TNIK: variants seen among roughly 807,000 people sequenced by gnomAD.
TNIK encodes TRAF2 and NCK-interacting protein kinase.
In TNIK, 49 loss-of-function variants were observed where a neutral mutation model predicts 191.3. That is an observed-to-expected ratio of 0.26 (90% CI 0.20 to 0.32). TNIK has a LOEUF of 0.32. TNIK is among the 10% of genes least tolerant of loss of function. The pLI is 1.00. For synonymous variants in TNIK, 594 were observed against 600.9 expected (o/e 0.99, Z 0.17); for missense variants, 1,155 against 1,702.3 (o/e 0.68, Z 5.66).
chr3:171,206,335 G>GTATATATATATATA (rs60356829), intron 4 of TNIK, among the ~76,000 whole-genome samples: 9,243 of 132,516 alleles, frequency 0.07, 478 homozygotes, highest in South Asian at 0.11. Context: ...ATATGTTCGT[G>GTATATATATATATA]TATATATATA....
At chr3:171,207,087 T>C (rs1280692372) in intron 4 of TNIK, among the ~76,000 whole-genome samples, 1 of 152,090 alleles carries the variant, frequency 6.6e-6, no homozygotes, top group Non-Finnish European at 1.5e-5. Context: ...TACAGACAAC[T>C]ATAAAATAGC....
chr3:171,330,762 C>T (rs1225137112), intron 2 of TNIK, among the ~76,000 whole-genome samples: 1 of 152,158 alleles, frequency 6.6e-6, no homozygotes, highest in Non-Finnish European at 1.5e-5. Context: ...CACTACTCTG[C>T]CCTTCAGACC....
intron 18 of TNIK, 60 bp from the exon 19 acceptor site, chr3:171,110,937 A>C: frequency 1.4e-6 from 2 of 1,467,318 alleles, no homozygotes; most frequent in African/African-American, 1.4e-5. Context: ...TTTGCAGATC[A>C]CATATCTGAT....
At chr3:171,329,371 T>TA (rs1038944843) in intron 2 of TNIK, among the ~76,000 whole-genome samples, 8 of 86 alleles carry the variant, frequency 0.093, no homozygotes, top group Admixed American at 0.33. Context: ...AAAATATATA[T>TA]TTTTAAATCA....
At chr3:171,105,560 C>A (rs895012253) in intron 21 of TNIK, among the ~76,000 whole-genome samples, 1 of 146,422 alleles carries the variant, frequency 6.8e-6, no homozygotes, top group Non-Finnish European at 1.5e-5. Flanking sequence ...GCTTTTCCAA[C>A]CATACATGGC....
intron 1 of TNIK, among the ~76,000 whole-genome samples, chr3:171,450,427 G>C (rs1281324245): frequency 6.6e-6 from 1 of 152,168 alleles, no homozygotes; most frequent in East Asian, 1.9e-4. Context: ...GATTCACTAA[G>C]ATGTCCAGGA....
chr3:171,384,735 T>G (rs1290800374), intron 1 of TNIK, among the ~76,000 whole-genome samples: 1 of 152,180 alleles, frequency 6.6e-6, no homozygotes, highest in Admixed American at 6.5e-5. Context: ...GTCAGATTAG[T>G]AAAAATAGAT....
chr3:171,396,577 C>T (rs889637188), intron 1 of TNIK, among the ~76,000 whole-genome samples: 3 of 152,210 alleles, frequency 2.0e-5, no homozygotes, highest in African/African-American at 7.2e-5. Flanking sequence ...AAAAGTATGT[C>T]AGTGACTTAT....
At chr3:171,123,763 GA>G in intron 17 of TNIK, 61 bp from the exon 18 acceptor site, 1 of 1,293,602 alleles carries the variant, frequency 7.7e-7, no homozygotes, top group Non-Finnish European at 1.1e-6. Flanking sequence ...CCTGTTGTCA[GA>G]AAATCCTCCT....
At chr3:171,177,682 G>T (rs191124019) in intron 7 of TNIK, among the ~76,000 whole-genome samples, 21 of 152,270 alleles carry the variant, frequency 1.4e-4, no homozygotes, top group Admixed American at 9.2e-4. Context: ...CTATTTGACT[G>T]TTTATAACAC....
intron 1 of TNIK, among the ~76,000 whole-genome samples, chr3:171,377,764 A>T (rs1289593405): frequency 6.6e-6 from 1 of 152,234 alleles, no homozygotes; most frequent in Admixed American, 6.5e-5. Context: ...ATCCAAAACA[A>T]CATATATAAA....
intron 7 of TNIK, among the ~76,000 whole-genome samples, chr3:171,187,773 G>C (rs1181661929): frequency 1.3e-5 from 2 of 152,156 alleles, no homozygotes; most frequent in Non-Finnish European, 2.9e-5. Context: ...TTAGATAAGA[G>C]TATTTACAGA....
intron 7 of TNIK, among the ~76,000 whole-genome samples, chr3:171,185,582 A>G (rs1737258117): frequency 6.6e-6 from 1 of 152,172 alleles, no homozygotes; most frequent in East Asian, 1.9e-4. Flanking sequence ...AAGCCAGCAC[A>G]CCCGGCAAAT....
chr3:171,123,377 T>C (rs1576889544), intron 18 of TNIK, among the ~76,000 whole-genome samples: 1 of 152,370 alleles, frequency 6.6e-6, no homozygotes, highest in Non-Finnish European at 1.5e-5. Context: ...GTTGCCCCAT[T>C]AATTAATTTA....
At chr3:171,094,139 A>ATT (rs58565557) in intron 22 of TNIK, among the ~76,000 whole-genome samples, 171 bp from the exon 23 acceptor site, 1 of 146,178 alleles carries the variant, frequency 6.8e-6, no homozygotes. Flanking sequence ...TCTCATATTA[A>ATT]TTTTTTTTTT....
At chr3:171,401,372 TGA>T (rs1364553179) in intron 1 of TNIK, among the ~76,000 whole-genome samples, 1 of 152,158 alleles carries the variant, frequency 6.6e-6, no homozygotes, top group African/African-American at 2.4e-5. Context: ...AGGACTAGGC[TGA>T]GTTATTTCTA....
Position 171,140,504 on chromosome 3 carries a change from T to C in TNIK, c.1227A>G (p.Gln409=), listed in dbSNP as rs1252175494. 6.2e-7 allele frequency: 1 copy of C among 1,613,386 alleles called. No homozygotes were observed. Among genetic ancestry groups the C allele is most frequent in the Non-Finnish European group, 8.5e-7 (1 of 1,179,790 alleles). Reference sequence around the variant, plus strand: ...GCTTCCGCAGCTCCTTCTCTCGCCTTTGTTGCTGTGGGGCAACAAGCAGAC... The same window carrying C: ...GCTTCCGCAGCTCCTTCTCTCGCCTCTGTTGCTGTGGGGCAACAAGCAGAC... ...KEQRRRLEEQ[Q]RREKELRKQQ... is the part of the protein sequence containing the mutation. Residue 409 remains glutamine, a synonymous_variant, in exon 13 of 33, where the codon CAA becomes CAG. Transcript: ENST00000436636.
chr3:171,184,027 C>A (rs1341706228), intron 7 of TNIK, among the ~76,000 whole-genome samples: 4 of 149,722 alleles, frequency 2.7e-5, no homozygotes, highest in African/African-American at 7.4e-5. Context: ...ATATTGAGTA[C>A]TTACCAAGTG....
chr3:171,094,657 C>T (rs540845345), intron 22 of TNIK, among the ~76,000 whole-genome samples: 8 of 152,266 alleles, frequency 5.3e-5, no homozygotes, highest in Non-Finnish European at 8.8e-5. Flanking sequence ...TGCTTTTACA[C>T]ATGCTGTTCC....
Sources: allele counts gnomAD v4.1 joint callset (sites outside exome capture counted in the v4.1 genomes callset), GRCh38; gene constraint gnomAD v4.1.1; transcripts MANE v1.5; gene names NCBI Gene and HGNC (gene_info 2026-07-23, HGNC 2026-07-21).